GNB4: variants seen among roughly 807,000 people sequenced by gnomAD.
GNB4 encodes the protein guanine nucleotide-binding protein subunit beta-4.
A neutral mutation model predicts 45.2 loss-of-function variants in GNB4; 28 were observed. The ratio of observed to expected loss-of-function variants is 0.62; its 90% CI spans 0.46 to 0.85. The LOEUF (loss-of-function observed/expected upper bound fraction) is 0.85, where lower values mean the gene tolerates loss of function less well. Ranked by LOEUF, GNB4 falls within the 40% of genes least tolerant of loss-of-function variation. The pLI, the probability that GNB4 is intolerant of heterozygous loss-of-function variation, is 0.00. For missense variants in GNB4, 321 were observed against 425.4 expected (o/e 0.75, Z 2.16); for synonymous variants, 132 against 143.7 (o/e 0.92, Z 0.58).
intron 1 of GNB4, among the ~76,000 whole-genome samples, chr3:179,434,113 T>C (rs2108611340): frequency 6.6e-6 from 1 of 152,350 alleles, no homozygotes; most frequent in Admixed American, 6.5e-5. Context: ...TCAATTCTGC[T>C]TCTGGATATA....
intron 9 of GNB4, 120 bp downstream of exon 9, chr3:179,405,070 G>A: frequency 1.6e-6 from 1 of 636,614 alleles, no homozygotes; most frequent in Non-Finnish European, 2.7e-6. Flanking sequence ...AACATGATGA[G>A]AACCATCGGG....
At chr3:179,439,352 GA>G (rs1192167935) in intron 1 of GNB4, among the ~76,000 whole-genome samples, 3 of 152,108 alleles carry the variant, frequency 2.0e-5, no homozygotes, top group Non-Finnish European at 4.4e-5. Context: ...AGACATCTGT[GA>G]AAGGAAAATA....
the GNB4 span, among the ~76,000 whole-genome samples, chr3:179,518,023 C>T: frequency 6.6e-6 from 1 of 151,882 alleles, no homozygotes; most frequent in Non-Finnish European, 1.5e-5. Context: ...GGGGCAAGCA[C>T]CCCCCATCCC....
chr3:179,472,886 G>A, the GNB4 span, among the ~76,000 whole-genome samples: 14 of 152,250 alleles, frequency 9.2e-5, no homozygotes, highest in East Asian at 2.1e-3. Flanking sequence ...AAAGTTGGCC[G>A]GGCGCGGTGG....
chr3:179,459,414 G>A, the GNB4 span, among the ~76,000 whole-genome samples: 2 of 152,184 alleles, frequency 1.3e-5, no homozygotes, highest in South Asian at 4.1e-4. Flanking sequence ...CGGGCGCAGT[G>A]CCTCACGCCT....
chr3:179,522,156 T>C, the GNB4 span, among the ~76,000 whole-genome samples: 1 of 151,556 alleles, frequency 6.6e-6, no homozygotes, highest in African/African-American at 2.4e-5. Context: ...AGCCAGTTCC[T>C]GCCTTAACTG....
the GNB4 span, among the ~76,000 whole-genome samples, chr3:179,512,203 G>A: frequency 6.6e-6 from 1 of 152,178 alleles, no homozygotes; most frequent in South Asian, 2.1e-4. Flanking sequence ...TGAGGTTGCT[G>A]TTCTATCAGG....
chr3:179,428,684 T>G (rs1449640790), intron 1 of GNB4, among the ~76,000 whole-genome samples: 2 of 152,142 alleles, frequency 1.3e-5, no homozygotes, highest in Non-Finnish European at 2.9e-5. Flanking sequence ...TTATTACTAT[T>G]ATGGTTATTA....
chr3:179,519,344 C>T, the GNB4 span, among the ~76,000 whole-genome samples: 1 of 152,196 alleles, frequency 6.6e-6, no homozygotes, highest in Non-Finnish European at 1.5e-5. Flanking sequence ...CTGACACTGC[C>T]CAATCACCTC....
intron 1 of GNB4, among the ~76,000 whole-genome samples, chr3:179,433,460 G>C (rs747742295): frequency 3.3e-5 from 5 of 152,076 alleles, no homozygotes; most frequent in Non-Finnish European, 5.9e-5. Flanking sequence ...GCAGCTTCCA[G>C]CTGGGCATGG....
chr3:179,419,026 A>G (rs988952136), intron 4 of GNB4, among the ~76,000 whole-genome samples: 1 of 152,274 alleles, frequency 6.6e-6, no homozygotes, highest in Non-Finnish European at 1.5e-5. Context: ...ATGTAATAAC[A>G]AACTATAGCA....
At chr3:179,472,002 A>G in the GNB4 span, among the ~76,000 whole-genome samples, 1 of 152,210 alleles carries the variant, frequency 6.6e-6, no homozygotes, top group Non-Finnish European at 1.5e-5. Context: ...ATTTATAAAT[A>G]CAATAATTAT....
At chr3:179,415,371 G>T (rs1380920052) in intron 5 of GNB4, among the ~76,000 whole-genome samples, 2 of 152,220 alleles carry the variant, frequency 1.3e-5, no homozygotes, top group South Asian at 2.1e-4. Flanking sequence ...AATGTTAGAG[G>T]TTTTAATAGA....
At chr3:179,425,807 A>G (rs1005817600) in intron 2 of GNB4, among the ~76,000 whole-genome samples, 45 of 152,214 alleles carry the variant, frequency 3.0e-4, no homozygotes, top group African/African-American at 1.1e-3. Flanking sequence ...GTATAGATTA[A>G]TATTTCCCTA....
the GNB4 span, among the ~76,000 whole-genome samples, chr3:179,512,778 A>G: frequency 5.3e-5 from 8 of 152,000 alleles, no homozygotes; most frequent in African/African-American, 1.7e-4. Flanking sequence ...TTTTAGTAGG[A>G]GTGTGTGTGT....
At chr3:179,506,071 G>A in the GNB4 span, among the ~76,000 whole-genome samples, 3 of 152,190 alleles carry the variant, frequency 2.0e-5, no homozygotes, top group Non-Finnish European at 2.9e-5. Context: ...TGCCGGGCGC[G>A]GTGGCTCACG....
intron 1 of GNB4, among the ~76,000 whole-genome samples, chr3:179,434,149 T>C (rs916995194): frequency 1.3e-5 from 2 of 152,212 alleles, no homozygotes; most frequent in African/African-American, 4.8e-5. Context: ...CTATAGTACA[T>C]GTGCACAGGA....
the GNB4 span, among the ~76,000 whole-genome samples, chr3:179,519,481 T>C: frequency 6.6e-5 from 10 of 152,158 alleles, no homozygotes; most frequent in African/African-American, 2.4e-4. Context: ...AAGGGCCTGT[T>C]TCCCTTGCCT....
At chr3:179,459,005 C>T in the GNB4 span, among the ~76,000 whole-genome samples, 1 of 152,184 alleles carries the variant, frequency 6.6e-6, no homozygotes, top group East Asian at 1.9e-4. Flanking sequence ...CAGAACTTCA[C>T]ATTAATTAAC....
Sources: allele counts gnomAD v4.1 joint callset (sites outside exome capture counted in the v4.1 genomes callset), GRCh38; gene constraint gnomAD v4.1.1; transcripts MANE v1.5; gene names NCBI Gene and HGNC (gene_info 2026-07-23, HGNC 2026-07-21).